CNTNAP5: variants seen among roughly 807,000 people sequenced by gnomAD.
The protein encoded by CNTNAP5 is contactin associated protein family member 5.
A neutral mutation model predicts 150.2 loss-of-function variants in CNTNAP5; 72 were observed. The observed-to-expected ratio is 0.48, with a 90% CI of 0.40 to 0.58. The LOEUF (loss-of-function observed/expected upper bound fraction) is 0.58, where lower values mean the gene tolerates loss of function less well. Among genes scored for constraint, CNTNAP5 ranks in the 20% least tolerant of loss-of-function variants. The pLI, the probability that CNTNAP5 is intolerant of heterozygous loss-of-function variation, is 0.00. For missense variants in CNTNAP5, 1,636 were observed against 1,626.2 expected, an observed-to-expected ratio of 1.01 and a Z score of -0.10; for synonymous variants, 672 against 619.8, an observed-to-expected ratio of 1.08 and a Z score of -1.25.
At chr2:124,570,497 A>G (rs922951048) in intron 11 of CNTNAP5, among the ~76,000 whole-genome samples, 2 of 152,216 alleles carry the variant, frequency 1.3e-5, no homozygotes, top group Non-Finnish European at 2.9e-5. Flanking sequence ...TAGAAAAGGC[A>G]GACAATGAAT....
intron 1 of CNTNAP5, among the ~76,000 whole-genome samples, chr2:124,081,236 C>T (rs1478059409): frequency 6.6e-6 from 1 of 151,802 alleles, no homozygotes; most frequent in African/African-American, 2.4e-5. Flanking sequence ...AGTTCTTACA[C>T]CGTCTAAAAT....
intron 13 of CNTNAP5, among the ~76,000 whole-genome samples, chr2:124,682,920 T>G (rs1679102762): frequency 6.6e-6 from 1 of 152,234 alleles, no homozygotes; most frequent in Non-Finnish European, 1.5e-5. Context: ...ATTGTTTTAA[T>G]TACTCTGCAA....
At chr2:124,496,475 A>C (rs1350937514) in intron 7 of CNTNAP5, among the ~76,000 whole-genome samples, 3 of 152,216 alleles carry the variant, frequency 2.0e-5, no homozygotes, top group Non-Finnish European at 4.4e-5. Context: ...TCAGCTTTGC[A>C]CTGCTAGCTT....
intron 3 of CNTNAP5, among the ~76,000 whole-genome samples, chr2:124,369,513 T>G (rs538931054): frequency 7.6e-4 from 115 of 152,268 alleles, no homozygotes; most frequent in Non-Finnish European, 1.5e-3. Flanking sequence ...TAGGCATTGG[T>G]ATGTTCTAGA....
chr2:124,807,122 A>G (rs575768045), intron 19 of CNTNAP5, among the ~76,000 whole-genome samples: 2 of 152,242 alleles, frequency 1.3e-5, no homozygotes, highest in East Asian at 3.9e-4. Context: ...AACAAATTCA[A>G]TGAAAGGCCT....
intron 1 of CNTNAP5, among the ~76,000 whole-genome samples, chr2:124,192,052 C>T (rs1685470986): frequency 6.6e-6 from 1 of 152,148 alleles, no homozygotes; most frequent in Admixed American, 6.5e-5. Context: ...TCTTTCATTC[C>T]CATGAAAATT....
chr2:124,861,721 T>A (rs1196791920), intron 19 of CNTNAP5, among the ~76,000 whole-genome samples: 1 of 152,148 alleles, frequency 6.6e-6, no homozygotes, highest in Admixed American at 6.5e-5. Context: ...ACTTCGAGAG[T>A]AGTTGCTAGT....
chr2:124,143,963 T>C (rs1396416890), intron 1 of CNTNAP5, among the ~76,000 whole-genome samples: 2 of 150,786 alleles, frequency 1.3e-5, no homozygotes, highest in Non-Finnish European at 2.9e-5. Flanking sequence ...ACAAAATCAA[T>C]GTACAAAAAT....
At chr2:124,336,921 C>CT (rs888163580) in intron 3 of CNTNAP5, among the ~76,000 whole-genome samples, 1 of 152,066 alleles carries the variant, frequency 6.6e-6, no homozygotes, top group Non-Finnish European at 1.5e-5. Context: ...AATGGTATTT[C>CT]TAGTTCTAGT....
chr2:124,610,691 T>A (rs1418287986), intron 12 of CNTNAP5, among the ~76,000 whole-genome samples: 2 of 152,206 alleles, frequency 1.3e-5, no homozygotes, highest in African/African-American at 4.8e-5. Flanking sequence ...CCAGGTGCGA[T>A]GGCTCACGCC....
At chr2:124,155,162 C>T (rs1332724422) in intron 1 of CNTNAP5, among the ~76,000 whole-genome samples, 1 of 147,778 alleles carries the variant, frequency 6.8e-6, no homozygotes, top group African/African-American at 2.5e-5. Context: ...CTGTACCTTC[C>T]ATCAGTCATT....
intron 14 of CNTNAP5, among the ~76,000 whole-genome samples, chr2:124,748,791 G>T (rs1370508370): frequency 6.6e-6 from 1 of 152,188 alleles, no homozygotes; most frequent in Admixed American, 6.5e-5. Flanking sequence ...ACCAGGGCAG[G>T]TTACCCGAGT....
intron 10 of CNTNAP5, among the ~76,000 whole-genome samples, chr2:124,553,806 A>C (rs528743108): frequency 3.9e-5 from 6 of 152,320 alleles, no homozygotes; most frequent in Non-Finnish European, 8.8e-5. Flanking sequence ...AACTAGAGGT[A>C]GAATTCAGTG....
At chr2:124,061,241 G>A (rs1682002729) in intron 1 of CNTNAP5, among the ~76,000 whole-genome samples, 2 of 152,172 alleles carry the variant, frequency 1.3e-5, no homozygotes, top group South Asian at 2.1e-4. Flanking sequence ...CTCTAAAGCA[G>A]CGAAGCTTAA....
intron 5 of CNTNAP5, among the ~76,000 whole-genome samples, chr2:124,444,123 C>A (rs1456541860): frequency 6.6e-6 from 1 of 151,938 alleles, no homozygotes; most frequent in Non-Finnish European, 1.5e-5. Flanking sequence ...TTTGTTCTAT[C>A]TCCGTCACCT....
chr2:124,368,563 G>A (rs2104723926), intron 3 of CNTNAP5, among the ~76,000 whole-genome samples: 1 of 152,002 alleles, frequency 6.6e-6, no homozygotes, highest in South Asian at 2.1e-4. Context: ...AAAATAATTG[G>A]GAAAAAACCA....
chr2:124,711,513 C>T (rs35690364), intron 13 of CNTNAP5, among the ~76,000 whole-genome samples: 24,732 of 151,898 alleles, frequency 0.16, 2,270 homozygotes, highest in East Asian at 0.24. Context: ...AAGATGCTTT[C>T]GACCATAAGT....
At chr2:124,694,588 T>C (rs1340257269) in intron 13 of CNTNAP5, among the ~76,000 whole-genome samples, 1 of 152,206 alleles carries the variant, frequency 6.6e-6, no homozygotes, top group Non-Finnish European at 1.5e-5. Flanking sequence ...GTGTCCCTAG[T>C]GTTTTAATGG....
chr2:124,244,630 A>G (rs1686973420), intron 3 of CNTNAP5, among the ~76,000 whole-genome samples: 1 of 152,062 alleles, frequency 6.6e-6, no homozygotes. Flanking sequence ...GTACAGGGAG[A>G]AGTGATTTGA....
Sources: gnomAD v4.1 joint callset for allele counts (sites outside exome capture counted in the v4.1 genomes callset) on GRCh38, gnomAD v4.1.1 for gene constraint, MANE v1.5 for transcripts, NCBI Gene and HGNC (gene_info 2026-07-23, HGNC 2026-07-21) for gene names.